The following PPFIBP2 variants were observed in gnomAD, a reference collection of about 807,000 sequenced individuals.
PPFIBP2 encodes the protein liprin-beta-2.
PPFIBP2 carries 118 observed loss-of-function variants against 118.3 expected under a neutral mutation model. That is an observed-to-expected ratio of 1.00 (90% CI 0.86 to 1.16). The LOEUF (loss-of-function observed/expected upper bound fraction) is 1.16, where lower values mean the gene tolerates loss of function less well. PPFIBP2 is among the 50% of genes most tolerant of loss of function. The probability of loss-of-function intolerance (pLI) is 0.00; values close to 1 mark genes in which losing one functional copy is unlikely to be tolerated. For synonymous variants in PPFIBP2, 414 were observed against 397.4 expected, an observed-to-expected ratio of 1.04 and a Z score of -0.50; for missense variants, 1,195 against 1,073.1, an observed-to-expected ratio of 1.11 and a Z score of -1.59.
intron 6 of PPFIBP2, among the ~76,000 whole-genome samples, chr11:7,619,911 T>A (rs1428351461): frequency 6.6e-6 from 1 of 152,216 alleles, no homozygotes; most frequent in Non-Finnish European, 1.5e-5. Context: ...AAGTTTGTTG[T>A]GTGAGACTGC....
the PPFIBP2 span, chr11:7,667,058 C>G: frequency 1.3e-5 from 2 of 152,486 alleles, no homozygotes; most frequent in Non-Finnish European, 2.9e-5. Flanking sequence ...CAAAAATAAC[C>G]TGTCACAGCC....
At chr11:7,621,867 T>G (rs1285307924) in intron 7 of PPFIBP2, among the ~76,000 whole-genome samples, 1 of 152,228 alleles carries the variant, frequency 6.6e-6, no homozygotes, top group African/African-American at 2.4e-5. Context: ...TTTTTATTTT[T>G]TGTGCAAGTT....
intron 2 of PPFIBP2, among the ~76,000 whole-genome samples, chr11:7,561,300 G>A (rs11041453): frequency 0.17 from 25,346 of 152,176 alleles, 2,140 homozygotes; most frequent in African/African-American, 0.18. Context: ...TCCTGACCTC[G>A]GGTGGTCTGC....
intron 11 of PPFIBP2, 29 bp downstream of exon 11, chr11:7,631,057 T>C (rs1476302093): frequency 6.4e-7 from 1 of 1,558,202 alleles, no homozygotes; most frequent in South Asian, 1.1e-5. Flanking sequence ...TGACGTAGGG[T>C]TTCAGCAGGT....
intron 3 of PPFIBP2, among the ~76,000 whole-genome samples, chr11:7,586,792 A>T (rs191731372): frequency 6.6e-6 from 1 of 152,310 alleles, no homozygotes; most frequent in East Asian, 1.9e-4. Flanking sequence ...CCTGACTTGA[A>T]GTTCAGCTGG....
chr11:7,523,399 T>C (rs1221711429), intron 1 of PPFIBP2, among the ~76,000 whole-genome samples: 1 of 152,210 alleles, frequency 6.6e-6, no homozygotes, highest in Non-Finnish European at 1.5e-5. Flanking sequence ...TAAAAACATA[T>C]ACACAAAGAA....
intron 6 of PPFIBP2, among the ~76,000 whole-genome samples, chr11:7,613,324 C>G (rs984997326): frequency 2.6e-5 from 4 of 152,110 alleles, no homozygotes; most frequent in African/African-American, 7.2e-5. Flanking sequence ...TGATCATAGC[C>G]CAAGCCAGCA....
chr11:7,597,242 G>A (rs1374836331), intron 4 of PPFIBP2: 1 of 1,530,326 alleles, frequency 6.5e-7, no homozygotes, highest in Non-Finnish European at 8.7e-7. Flanking sequence ...GGCTGTTCTG[G>A]AAGAGGAATA....
the PPFIBP2 span, among the ~76,000 whole-genome samples, chr11:7,663,171 C>G: frequency 7.6e-6 from 1 of 131,848 alleles, no homozygotes; most frequent in African/African-American, 2.5e-5. Flanking sequence ...CTCCATCCAG[C>G]TTTGTTCTGT....
intron 6 of PPFIBP2, among the ~76,000 whole-genome samples, chr11:7,617,667 CTT>C (rs1191740025): frequency 2.6e-5 from 4 of 151,478 alleles, no homozygotes; most frequent in Non-Finnish European, 4.4e-5. Flanking sequence ...ATTAAACAAA[CTT>C]TTGTTTCACA....
Position 7,620,979 on chromosome 11 carries a change from G to T in PPFIBP2, c.663G>T (p.Glu221Asp), listed in dbSNP as rs975475068. Residue 221 changes from glutamate (E) to aspartate (D), a missense_variant, in exon 7 of 24, where the codon GAG becomes GAT. Transcript: ENST00000299492. ...GGCACCTCAAAATCAAAGTGGAAGA[G>T]TTGGAAAATGAAAGGAATCAGTATG... ...ELRHLKIKVEELENERNQYEW... is the reference protein window; with the variant it reads ...ELRHLKIKVEDLENERNQYEW... 1.2e-6 allele frequency: 2 copies of T among 1,613,370 alleles called. No individual in the cohort carries two copies. The highest frequency in any genetic ancestry group is 1.7e-6 in the Non-Finnish European group (2 of 1,179,412).
rs1163634253 is a variant in PPFIBP2 at position 7,597,263 on chromosome 11, G to T, written c.373-297G>T. On this transcript the variant is annotated intron_variant, in intron 4 of 23. Transcript: ENST00000299492. ...TCTGGAAGAGGAATAAGGAGCAGGA[G>T]TCCAGCCCAGAGGCAGCTCCTGTGG... 4.6e-6 allele frequency: 7 copies of T among 1,535,096 alleles called. No individual in the cohort carries two copies. The East Asian group carries it at 1.7e-4, about 38-fold the overall frequency.
chr11:7,604,457 C>G (rs1286305928), intron 5 of PPFIBP2, among the ~76,000 whole-genome samples: 1 of 148,504 alleles, frequency 6.7e-6, no homozygotes, highest in Non-Finnish European at 1.5e-5. Context: ...CACCTACTCA[C>G]CCACCCATAC....
intron 6 of PPFIBP2, among the ~76,000 whole-genome samples, chr11:7,618,220 G>T (rs1161510114): frequency 1.3e-5 from 2 of 152,214 alleles, no homozygotes; most frequent in Non-Finnish European, 2.9e-5. Flanking sequence ...AAGTCAAGAT[G>T]TAAATGTAGA....
At chr11:7,636,503 G>T (rs1851470051) in intron 14 of PPFIBP2, among the ~76,000 whole-genome samples, 1 of 152,076 alleles carries the variant, frequency 6.6e-6, no homozygotes, top group African/African-American at 2.4e-5. Flanking sequence ...CCTTGAGCCT[G>T]GGGTTGGTGT....
In PPFIBP2 at chr11:7,632,656, A is replaced by G. The variant is rs1850920936; in HGVS notation, c.1069-211A>G. 8.0e-6 allele frequency: 4 copies of G among 500,848 alleles called. No homozygotes were observed. In the South Asian group the frequency reaches 8.1e-5, roughly 10 times the overall value. 31.0% of individuals were successfully genotyped at this position (500,848 alleles called of 1,614,324 possible). A position where few individuals can be genotyped will look rare whatever the true frequency, so the allele number is the denominator to read the frequency against. ...CATGATCTAAGCTCTAGGGTCCAGG[A>G]AGGAGAGGCAAGCTGGCCCAGATGG... On this transcript the variant is annotated intron_variant, in intron 11 of 23. Coordinates refer to ENST00000299492, the MANE Select transcript of PPFIBP2 (RefSeq NM_003621.5).
chr11:7,559,312 A>T (rs1854028875), intron 2 of PPFIBP2, among the ~76,000 whole-genome samples: 1 of 151,932 alleles, frequency 6.6e-6, no homozygotes, highest in African/African-American at 2.4e-5. Flanking sequence ...TAGGGCACAC[A>T]TTTTTTTTAT....
At position 7,557,999 on chromosome 11, in the gene PPFIBP2, G is replaced by C. The variant is rs10839808; in HGVS notation, c.65-7554G>C. Among the ~76,000 whole-genome samples the C allele has an allele frequency of 1.1e-3, 160 of 151,948 alleles. 1 individual carries two copies. Among genetic ancestry groups the C allele is most frequent in the African/African-American group, 3.8e-3 (157 of 41,408 alleles). On this transcript the variant is annotated intron_variant, in intron 2 of 23. Transcript: ENST00000299492. ...AAGAACTCCATTTACGTGGTAAAAG[G>C]TTAGACTTTAAAAGTTTATCTTGTC...
chr11:7,560,013 T>A (rs1237338678), intron 2 of PPFIBP2, among the ~76,000 whole-genome samples: 5 of 152,238 alleles, frequency 3.3e-5, no homozygotes, highest in Non-Finnish European at 7.3e-5. Flanking sequence ...GAGTATGTCC[T>A]GTTTCCAGAA....
Sources: allele counts gnomAD v4.1 joint callset (sites outside exome capture counted in the v4.1 genomes callset), GRCh38; gene constraint gnomAD v4.1.1; transcripts MANE v1.5; gene names NCBI Gene and HGNC (gene_info 2026-07-23, HGNC 2026-07-21).